The following LRRC37A2 variants were observed in gnomAD, a reference collection of about 807,000 sequenced individuals.
The protein encoded by LRRC37A2 is leucine-rich repeat-containing protein 37A2.
A neutral mutation model predicts 68.8 loss-of-function variants in LRRC37A2; 9 were observed. The ratio of observed to expected loss-of-function variants is 0.13; its 90% CI spans 0.08 to 0.23. LRRC37A2 has a LOEUF of 0.23. Among genes scored for constraint, LRRC37A2 ranks in the 10% least tolerant of loss-of-function variants. The pLI, the probability that LRRC37A2 is intolerant of heterozygous loss-of-function variation, is 1.00. For missense variants in LRRC37A2, 168 were observed against 950.4 expected, an observed-to-expected ratio of 0.18 and a Z score of 10.82; for synonymous variants, 63 against 367.6, an observed-to-expected ratio of 0.17 and a Z score of 9.48.
chr17:47,040,522 T>C, the LRRC37A2 span, among the ~76,000 whole-genome samples: 62 of 146,332 alleles, frequency 4.2e-4, 1 homozygote, highest in South Asian at 0.013. Flanking sequence ...TTTAGTGACT[T>C]TTCTGAACTT....
chr17:46,827,134 C>T, the LRRC37A2 span, among the ~76,000 whole-genome samples: 4 of 152,144 alleles, frequency 2.6e-5, no homozygotes, highest in Non-Finnish European at 4.4e-5. Context: ...TAGTGTAGCT[C>T]ACACTGCTGG....
At chr17:46,945,786 A>C in the LRRC37A2 span, among the ~76,000 whole-genome samples, 1 of 152,108 alleles carries the variant, frequency 6.6e-6, no homozygotes, top group Non-Finnish European at 1.5e-5. Flanking sequence ...GGACCTCTAT[A>C]GGAGGGGAGA....
the LRRC37A2 span, among the ~76,000 whole-genome samples, chr17:46,961,036 AAAAC>A: frequency 1.4e-4 from 22 of 152,244 alleles, no homozygotes; most frequent in African/African-American, 5.1e-4. Flanking sequence ...GAGTTTAAAA[AAAAC>A]AAGGTGGGAA....
the LRRC37A2 span, chr17:46,770,030 A>T: frequency 6.4e-7 from 1 of 1,563,804 alleles, no homozygotes; most frequent in Non-Finnish European, 8.7e-7. Flanking sequence ...GGCGTGAACG[A>T]AGGCCGACTC....
the LRRC37A2 span, among the ~76,000 whole-genome samples, chr17:46,502,509 T>C: frequency 6.6e-6 from 1 of 150,722 alleles, no homozygotes; most frequent in East Asian, 1.9e-4. Context: ...ACCATATTGG[T>C]CAGGCTGGTC....
At chr17:46,773,292 G>T in the LRRC37A2 span, among the ~76,000 whole-genome samples, 1 of 152,142 alleles carries the variant, frequency 6.6e-6, no homozygotes, top group East Asian at 1.9e-4. Context: ...GGACTTTCTA[G>T]ATGGGAGGGA....
the LRRC37A2 span, chr17:46,875,176 C>T: frequency 6.2e-7 from 1 of 1,614,078 alleles, no homozygotes; most frequent in Non-Finnish European, 8.5e-7. Context: ...GCCTGCAGCG[C>T]TGGGCGCATG....
At chr17:46,887,607 A>G in the LRRC37A2 span, among the ~76,000 whole-genome samples, 8 of 152,056 alleles carry the variant, frequency 5.3e-5, no homozygotes, top group Non-Finnish European at 1.0e-4. Context: ...TCTACTAAAT[A>G]CAAGAAATTA....
the LRRC37A2 span, among the ~76,000 whole-genome samples, chr17:46,895,993 G>A: frequency 1.4e-4 from 21 of 152,074 alleles, no homozygotes. Context: ...AAAGACCAAG[G>A]CCAGGCTGGG....
At chr17:46,894,819 T>G in the LRRC37A2 span, among the ~76,000 whole-genome samples, 1 of 152,212 alleles carries the variant, frequency 6.6e-6, no homozygotes, top group Admixed American at 6.5e-5. Flanking sequence ...CTTTTTCAAC[T>G]TTTCACTTCT....
chr17:46,750,391 C>A, the LRRC37A2 span, among the ~76,000 whole-genome samples: 1 of 152,110 alleles, frequency 6.6e-6, no homozygotes, highest in African/African-American at 2.4e-5. Context: ...TTTCAGATTT[C>A]AGATTTTTTC....
chr17:46,753,482 A>G, the LRRC37A2 span, among the ~76,000 whole-genome samples: 71 of 152,330 alleles, frequency 4.7e-4, no homozygotes, highest in African/African-American at 1.7e-3. Context: ...AATTAAAGTC[A>G]CAGACTAACC....
the LRRC37A2 span, chr17:47,027,702 G>GA: frequency 1.3e-6 from 1 of 753,160 alleles, no homozygotes. Flanking sequence ...TGCTATTCTT[G>GA]AAATATAATT....
At chr17:46,775,993 G>A in the LRRC37A2 span, among the ~76,000 whole-genome samples, 1 of 152,146 alleles carries the variant, frequency 6.6e-6, no homozygotes, top group African/African-American at 2.4e-5. Context: ...TTTTCCTTGG[G>A]TTTGCCTCAT....
At chr17:46,885,309 A>ATTT in the LRRC37A2 span, 6 of 210,024 alleles carry the variant, frequency 2.9e-5, no homozygotes, top group East Asian at 1.8e-4. Flanking sequence ...CCTGGCCAGC[A>ATTT]TTTTTTTTTT....
At chr17:46,877,061 T>G in the LRRC37A2 span, 1 of 1,102,836 alleles carries the variant, frequency 9.1e-7, no homozygotes, top group Non-Finnish European at 1.1e-6. Context: ...CTATTCCATC[T>G]TGCTTCCTGG....
chr17:46,798,978 G>A, the LRRC37A2 span, among the ~76,000 whole-genome samples: 1 of 151,082 alleles, frequency 6.6e-6, no homozygotes, highest in African/African-American at 2.4e-5. Context: ...AGCCTGTGAG[G>A]CGGAGGTTAC....
chr17:46,866,393 TG>T, the LRRC37A2 span, among the ~76,000 whole-genome samples: 1 of 151,808 alleles, frequency 6.6e-6, no homozygotes, highest in Non-Finnish European at 1.5e-5. Flanking sequence ...AATGTGTGTA[TG>T]TGTGAGAGTG....
chr17:46,726,738 T>C, the LRRC37A2 span: 1 of 869,598 alleles, frequency 1.1e-6, no homozygotes, highest in Admixed American at 1.8e-5. Context: ...TTTCTTTGTC[T>C]TACAAGGAAA....
Sources: allele counts gnomAD v4.1 joint callset (sites outside exome capture counted in the v4.1 genomes callset), GRCh38; gene constraint gnomAD v4.1.1; transcripts MANE v1.5; gene names NCBI Gene and HGNC (gene_info 2026-07-23, HGNC 2026-07-21).